The following SMARCAD1 variants were observed in gnomAD, a reference collection of about 807,000 sequenced individuals.
SMARCAD1 encodes the protein SWI/SNF-related matrix-associated actin-dependent regulator of chromatin subfamily A containing DEAD/H box 1.
SMARCAD1 carries 25 observed loss-of-function variants against 127.1 expected under a neutral mutation model. That is an observed-to-expected ratio of 0.20 (90% CI 0.14 to 0.27). The LOEUF is 0.27. Among genes scored for constraint, SMARCAD1 ranks in the 10% least tolerant of loss-of-function variants. The probability of loss-of-function intolerance (pLI) is 1.00; values close to 1 mark genes in which losing one functional copy is unlikely to be tolerated. For missense variants in SMARCAD1, 807 were observed against 1,206.0 expected (o/e 0.67, Z 4.90); for synonymous variants, 400 against 396.9 (o/e 1.01, Z -0.09).
At chr4:94,208,959 A>G (rs1371315170) in intron 2 of SMARCAD1, among the ~76,000 whole-genome samples, 2 of 152,190 alleles carry the variant, frequency 1.3e-5, no homozygotes, top group Admixed American at 6.5e-5. Context: ...CAAAATATTG[A>G]TCATCTACTG....
chr4:94,271,915 C>T (rs1173017133), intron 11 of SMARCAD1, among the ~76,000 whole-genome samples: 2 of 152,178 alleles, frequency 1.3e-5, no homozygotes, highest in Non-Finnish European at 2.9e-5. Flanking sequence ...ACCTGTAAAG[C>T]GCAACACAAT....
At chr4:94,258,636 G>A (rs866231569) in intron 9 of SMARCAD1, among the ~76,000 whole-genome samples, 3 of 152,018 alleles carry the variant, frequency 2.0e-5, no homozygotes, top group Non-Finnish European at 4.4e-5. Flanking sequence ...CATTGGTTTT[G>A]TAAGTGCATA....
intron 3 of SMARCAD1, among the ~76,000 whole-genome samples, chr4:94,230,945 A>G (rs1316394380): frequency 6.6e-6 from 1 of 152,194 alleles, no homozygotes; most frequent in Non-Finnish European, 1.5e-5. Flanking sequence ...TTTCAAGGAT[A>G]TGTTTGTCAA....
chr4:94,273,781 G>A (rs1752877067), intron 12 of SMARCAD1, 65 bp downstream of exon 12: 1 of 1,245,914 alleles, frequency 8.0e-7, no homozygotes, highest in African/African-American at 1.5e-5. Flanking sequence ...AAGAGAGTGT[G>A]TGTAAGGGTG....
chr4:94,223,204 A>T (rs1303000584), intron 2 of SMARCAD1, among the ~76,000 whole-genome samples: 1 of 151,910 alleles, frequency 6.6e-6, no homozygotes, highest in African/African-American at 2.4e-5. Context: ...CTTCATTTTT[A>T]ATAAAGAGGG....
At position 94,226,118 on chromosome 4, in the gene SMARCAD1, G is replaced by A; in HGVS notation, c.191-1G>A. The A allele has an allele frequency of 6.2e-7, 1 of 1,607,916 alleles. No individual in the cohort carries two copies. Among genetic ancestry groups the A allele is most frequent in the Non-Finnish European group, 8.5e-7 (1 of 1,175,404 alleles). On this transcript the variant is annotated splice_acceptor_variant, in intron 2 of 23. Coordinates refer to ENST00000354268, the MANE Select transcript of SMARCAD1 (RefSeq NM_020159.5). LOFTEE classifies it high-confidence loss of function. Reference sequence around the variant, plus strand: ...TTTTTCTCCTTTTTATTCTCTTGCAGAAGATTCTAGTGTTCCAGAAACTCC... The same window carrying A: ...TTTTTCTCCTTTTTATTCTCTTGCAAAAGATTCTAGTGTTCCAGAAACTCC...
chr4:94,265,145 C>T (rs1342677715), intron 10 of SMARCAD1, among the ~76,000 whole-genome samples: 1 of 151,740 alleles, frequency 6.6e-6, no homozygotes. Flanking sequence ...TGGTATGATA[C>T]TATATGACCA....
At chr4:94,280,207 T>C (rs752346175) in intron 19 of SMARCAD1, among the ~76,000 whole-genome samples, 2 of 152,180 alleles carry the variant, frequency 1.3e-5, no homozygotes, top group African/African-American at 2.4e-5. Flanking sequence ...TTTAAACTTA[T>C]GGAGAATTTC....
At chr4:94,215,797 A>C (rs1385344071) in intron 2 of SMARCAD1, among the ~76,000 whole-genome samples, 1 of 152,214 alleles carries the variant, frequency 6.6e-6, no homozygotes, top group Non-Finnish European at 1.5e-5. Context: ...CTAATAGGCA[A>C]AAGTATGTTA....
chr4:94,214,402 C>T (rs192958640), intron 2 of SMARCAD1, among the ~76,000 whole-genome samples: 1 of 151,174 alleles, frequency 6.6e-6, no homozygotes, highest in Admixed American at 6.6e-5. Context: ...GCTGGGACTA[C>T]AGGTGCCCGC....
chr4:94,226,134 C>T lies in SMARCAD1; in HGVS notation c.206C>T (p.Pro69Leu), dbSNP rs1720828768. The T allele has an allele frequency of 6.2e-7, 1 of 1,610,192 alleles. No individual in the cohort carries two copies. Among genetic ancestry groups the T allele is most frequent in the Admixed American group, 1.7e-5 (1 of 59,842 alleles). The change falls in exon 3 of 24, where the codon CCA (proline) becomes CTA (leucine). Residue 69 changes from proline (P) to leucine (L), a missense_variant. Around this residue, in one of 8 missense-constraint regions of SMARCAD1, gnomAD observed 175 missense variants for 169.5 expected, o/e 1.03. Transcript: ENST00000354268. ...ITEKTEDSSVPETPDNERKAS... is the reference protein window; with the variant it reads ...ITEKTEDSSVLETPDNERKAS... ...TCTCTTGCAGAAGATTCTAGTGTTC[C>T]AGAAACTCCAGATAATGAAAGAAAA...
chr4:94,233,850 A>G lies in SMARCAD1; in HGVS notation c.369-104A>G, dbSNP rs145861633. On this transcript the variant is annotated intron_variant, in intron 3 of 23. Transcript: ENST00000354268. ...AGTATAGATTGCATTTACTATTGAAAAGAACTGCAGATGTGTTGTACTATG... is the reference window on the plus strand; with the variant it reads ...AGTATAGATTGCATTTACTATTGAAGAGAACTGCAGATGTGTTGTACTATG... The G allele has an allele frequency of 1.3e-4, 152 of 1,207,492 alleles. 1 individual carries two copies. The East Asian group carries it at 3.7e-3, about 29-fold the overall frequency. 74.8% of individuals were successfully genotyped at this position (1,207,492 alleles called of 1,614,324 possible). A position where few individuals can be genotyped will look rare whatever the true frequency, so the allele number is the denominator to read the frequency against.
intron 12 of SMARCAD1, among the ~76,000 whole-genome samples, chr4:94,274,356 C>G (rs1055751922): frequency 1.3e-5 from 2 of 152,052 alleles, no homozygotes; most frequent in African/African-American, 2.4e-5. Flanking sequence ...AAGACAGTCT[C>G]GCTGTGTCAC....
At chr4:94,285,475 C>G (rs761520194) in intron 23 of SMARCAD1, among the ~76,000 whole-genome samples, 5 of 152,022 alleles carry the variant, frequency 3.3e-5, no homozygotes, top group Non-Finnish European at 7.4e-5. Flanking sequence ...TGTCAACTTA[C>G]GATACACTCT....
In SMARCAD1 at chr4:94,249,082, A is replaced by G. The variant is rs796225931; in HGVS notation, c.706-572A>G. 7.9e-5 allele frequency among the ~76,000 whole-genome samples: 12 copies of G among 152,176 alleles called. 1 individual carries two copies. Among genetic ancestry groups the G allele is most frequent in the Admixed American group, 6.5e-4 (10 of 15,288 alleles). On this transcript the variant is annotated intron_variant, in intron 6 of 23. Transcript: ENST00000354268. ...ACAGAGAAGAAGGAAAAGTGAGACT[A>G]TGTATAGCCACAATTCTCATATTAA...
chr4:94,281,544 C>G lies in SMARCAD1; in HGVS notation c.2680C>G (p.Gln894Glu). The change falls in exon 21 of 24, where the codon CAG (glutamine) becomes GAG (glutamate). Residue 894 changes from glutamine to glutamate, a missense_variant. Gln to Glu is a conservative substitution (Grantham distance 29). Coordinates refer to ENST00000354268, the MANE Select transcript of SMARCAD1 (RefSeq NM_020159.5). ...CTTAGAGGTTCTATTAAAACATCAT[C>G]AGCATAGGTACCTCAGATTAGATGG... ...DILEVLLKHH[Q>E]HRYLRLDGKT... The G allele has an allele frequency of 6.2e-7, 1 of 1,613,162 alleles. No individual in the cohort carries two copies. The highest frequency in any genetic ancestry group is 8.5e-7 in the Non-Finnish European group (1 of 1,179,388).
At chr4:94,239,712 A>C (rs1747291802) in intron 5 of SMARCAD1, among the ~76,000 whole-genome samples, 1 of 152,058 alleles carries the variant, frequency 6.6e-6, no homozygotes, top group Non-Finnish European at 1.5e-5. Context: ...AGCTGGGACT[A>C]CAGGCATGCA....
In SMARCAD1 at chr4:94,208,504, C is replaced by A; in HGVS notation, c.110C>A (p.Ser37Tyr). 1 of 1,614,124 alleles carries A rather than the reference C, an allele frequency of 6.2e-7. No homozygotes were observed. Among genetic ancestry groups the A allele is most frequent in the Non-Finnish European group, 8.5e-7 (1 of 1,180,018 alleles). ...PSQPGPSSPISLSAEEENAEG... is the reference protein window; with the variant it reads ...PSQPGPSSPIYLSAEEENAEG... ...CAGCCTGGCCCTTCTTCACCAATTT[C>A]TCTTAGTGCTGAAGAGGAGAATGCT... is the stretch of plus-strand genomic sequence containing the variant. The change falls in exon 2 of 24, where the codon TCT (serine) becomes TAT (tyrosine). Residue 37 changes from serine to tyrosine, a missense_variant. Ser to Tyr is a moderately radical substitution (Grantham distance 144). Transcript: ENST00000354268.
At chr4:94,227,370 A>G (rs1368814502) in intron 3 of SMARCAD1, among the ~76,000 whole-genome samples, 7 of 152,168 alleles carry the variant, frequency 4.6e-5, no homozygotes, top group Admixed American at 4.6e-4. Flanking sequence ...TATCTGAGTT[A>G]GATGTTTAAA....
Sources: allele counts gnomAD v4.1 joint callset (sites outside exome capture counted in the v4.1 genomes callset), GRCh38; gene constraint gnomAD v4.1.1; regional missense constraint gnomAD v4.1.1; transcripts MANE v1.5; gene names NCBI Gene and HGNC (gene_info 2026-07-23, HGNC 2026-07-21).